Variants in RFC3 observed in about 807,000 individuals in gnomAD.
RFC3 encodes the protein replication factor C subunit 3, also known as A1 38 kDa subunit.
RFC3 carries 41 observed loss-of-function variants against 45.1 expected under a neutral mutation model. The ratio of observed to expected loss-of-function variants is 0.91; its 90% CI spans 0.71 to 1.18. RFC3 has a LOEUF of 1.18. Among genes scored for constraint, RFC3 ranks in the 50% most tolerant of loss-of-function variants. The probability of loss-of-function intolerance (pLI) is 0.00; values close to 1 mark genes in which losing one functional copy is unlikely to be tolerated. For missense variants in RFC3, 423 were observed against 428.1 expected (o/e 0.99, Z 0.10); for synonymous variants, 149 against 144.0 (o/e 1.03, Z -0.25).
In RFC3 at chr13:33,918,781, A is replaced by G. The variant is rs934963247; in HGVS notation, c.880-47306A>G. 2.6e-5 allele frequency among the ~76,000 whole-genome samples: 4 copies of G among 152,174 alleles called. No homozygotes were observed. The East Asian group carries it at 7.7e-4, about 29-fold the overall frequency. ...ACTTCATGCTGACTCAGCCAAAGGCAGGCAGTAATCACAGCCAAGTTTATA... is the reference window on the plus strand; with the variant it reads ...ACTTCATGCTGACTCAGCCAAAGGCGGGCAGTAATCACAGCCAAGTTTATA... On this transcript the variant is annotated intron_variant, in intron 8 of 8. Transcript: ENST00000434425.
intron 8 of RFC3, among the ~76,000 whole-genome samples, chr13:33,854,204 GA>G (rs2082294857): frequency 2.6e-5 from 4 of 152,270 alleles, no homozygotes; most frequent in Non-Finnish European, 4.4e-5. Flanking sequence ...GGTGAACAGA[GA>G]GCTTGTTGAT....
At chr13:33,896,539 C>T (rs544057819) in intron 8 of RFC3, among the ~76,000 whole-genome samples, 13 of 151,766 alleles carry the variant, frequency 8.6e-5, no homozygotes, top group African/African-American at 1.4e-4. Flanking sequence ...GCCTGGCCAA[C>T]ATGGTGAAAC....
chr13:33,970,005 T>G (rs1030971087), downstream of RFC3, among the ~76,000 whole-genome samples: 13 of 151,942 alleles, frequency 8.6e-5, no homozygotes, highest in Non-Finnish European at 1.3e-4. Context: ...GTGCCATGGT[T>G]GTTTGCTGCA....
intron 8 of RFC3, among the ~76,000 whole-genome samples, chr13:33,939,873 A>C (rs535240454): frequency 1.3e-5 from 2 of 152,004 alleles, no homozygotes; most frequent in African/African-American, 2.4e-5. Flanking sequence ...AATTGTCATA[A>C]TTTTCTCTTG....
intron 3 of RFC3, 72 bp downstream of exon 3, chr13:33,824,056 T>A: frequency 2.8e-6 from 2 of 716,216 alleles, no homozygotes; most frequent in Non-Finnish European, 2.3e-6. Flanking sequence ...TTTAAAAGAT[T>A]GAAACCCTTT....
At chr13:33,881,378 G>A (rs2137597620) in intron 8 of RFC3, among the ~76,000 whole-genome samples, 1 of 152,308 alleles carries the variant, frequency 6.6e-6, no homozygotes, top group South Asian at 2.1e-4. Flanking sequence ...TGGCATTGTT[G>A]TAGGCTCTGT....
intron 8 of RFC3, among the ~76,000 whole-genome samples, chr13:33,935,601 GA>G (rs1377579407): frequency 1.3e-5 from 2 of 152,230 alleles, no homozygotes; most frequent in East Asian, 3.9e-4. Context: ...CTAATTTGTG[GA>G]AGGTTGTAAG....
chr13:33,818,265 G>C lies in RFC3; in HGVS notation c.87G>C (p.Leu29=). 1 of 1,613,314 alleles carries C rather than the reference G, an allele frequency of 6.2e-7. No homozygotes were observed. Among genetic ancestry groups the C allele is most frequent in the East Asian group, 2.2e-5 (1 of 44,876 alleles). The change falls in exon 1 of 9, where the codon CTG becomes CTC. Residue 29 remains leucine, a splice_region_variant and synonymous_variant. Transcript: ENST00000380071. Reference sequence around the variant, plus strand: ...AGCAGGCGGCCCAGCTGCGGAACCTGGTGAGTCTGCGGGGGCCGGGAGCGT... The same window carrying C: ...AGCAGGCGGCCCAGCTGCGGAACCTCGTGAGTCTGCGGGGGCCGGGAGCGT... ...HKEQAAQLRN[L]VQCGDFPHLL...
chr13:33,927,947 T>A (rs2082825960), intron 8 of RFC3, among the ~76,000 whole-genome samples: 1 of 152,116 alleles, frequency 6.6e-6, no homozygotes, highest in Admixed American at 6.6e-5. Flanking sequence ...GAATAGCAGC[T>A]AACATTCTCA....
intron 8 of RFC3, among the ~76,000 whole-genome samples, chr13:33,948,753 G>A (rs1471427761): frequency 6.6e-6 from 1 of 152,224 alleles, no homozygotes. Flanking sequence ...AAACTTTAAG[G>A]TTTAATGACT....
At chr13:33,846,771 A>G (rs2139456630) in intron 8 of RFC3, 1 of 151,966 alleles carries the variant, frequency 6.6e-6, no homozygotes, top group Non-Finnish European at 1.5e-5. Flanking sequence ...GCTAGCTGGA[A>G]CTCAGTTTCT....
At chr13:33,891,529 G>A (rs1469837943) in intron 8 of RFC3, among the ~76,000 whole-genome samples, 1 of 152,144 alleles carries the variant, frequency 6.6e-6, no homozygotes, top group Non-Finnish European at 1.5e-5. Flanking sequence ...AATGACTAAT[G>A]TGTCCTACTT....
chr13:33,870,123 G>A (rs1049145383), intron 8 of RFC3, among the ~76,000 whole-genome samples: 23 of 152,306 alleles, frequency 1.5e-4, no homozygotes, highest in African/African-American at 4.1e-4. Context: ...TTTGATTTTG[G>A]TGAAAATCCT....
chr13:33,952,439 A>G (rs1022283137), intron 8 of RFC3, among the ~76,000 whole-genome samples: 1 of 10,420 alleles, frequency 9.6e-5, no homozygotes, highest in Non-Finnish European at 8.4e-4. Context: ...GGAAAGTGGG[A>G]AAAAGTTCAA....
At chr13:33,828,625 C>G (rs2082073645) in intron 4 of RFC3, among the ~76,000 whole-genome samples, 1 of 152,196 alleles carries the variant, frequency 6.6e-6, no homozygotes, top group Admixed American at 6.5e-5. Flanking sequence ...GCCTTGACCT[C>G]CTGGGCTCAA....
chr13:33,872,469 C>A (rs373904449), intron 8 of RFC3, among the ~76,000 whole-genome samples: 1 of 152,216 alleles, frequency 6.6e-6, no homozygotes, highest in African/African-American at 2.4e-5. Context: ...TGCGGTGGCT[C>A]ACGCCTGTAA....
At chr13:33,953,065 C>A (rs570547977) in intron 8 of RFC3, among the ~76,000 whole-genome samples, 1 of 152,162 alleles carries the variant, frequency 6.6e-6, no homozygotes, top group East Asian at 1.9e-4. Flanking sequence ...CGTTAGCTCA[C>A]ATTGAAAAGA....
intron 7 of RFC3, among the ~76,000 whole-genome samples, chr13:33,834,512 G>A (rs3135625): frequency 0.25 from 37,790 of 150,226 alleles, 8,046 homozygotes; most frequent in African/African-American, 0.56. Flanking sequence ...GTTCCTATTC[G>A]CTTAGCCTGG....
intron 8 of RFC3, among the ~76,000 whole-genome samples, chr13:33,948,643 T>G (rs2082969631): frequency 6.6e-6 from 1 of 152,200 alleles, no homozygotes; most frequent in African/African-American, 2.4e-5. Context: ...GGCTGTACCC[T>G]GCAAAGCCAC....
Sources: gnomAD v4.1 joint callset for allele counts (sites outside exome capture counted in the v4.1 genomes callset) on GRCh38, gnomAD v4.1.1 for gene constraint, MANE v1.5 for transcripts, NCBI Gene and HGNC (gene_info 2026-07-23, HGNC 2026-07-21) for gene names.